The following GABRG3 variants were observed in gnomAD, a reference collection of about 807,000 sequenced individuals.
GABRG3 encodes gamma-aminobutyric acid type A receptor subunit gamma3.
A neutral mutation model predicts 48.8 loss-of-function variants in GABRG3; 25 were observed. The ratio of observed to expected loss-of-function variants is 0.51; its 90% CI spans 0.37 to 0.72. The LOEUF (loss-of-function observed/expected upper bound fraction) is 0.72. GABRG3 is among the 30% of genes least tolerant of loss of function. The probability of loss-of-function intolerance (pLI) is 0.00; values close to 1 mark genes in which losing one functional copy is unlikely to be tolerated. For missense variants in GABRG3, 394 were observed against 577.9 expected (o/e 0.68, Z 3.26); for synonymous variants, 227 against 217.6 (o/e 1.04, Z -0.38).
At chr15:27,089,259 C>T (rs537502147) in intron 3 of GABRG3, among the ~76,000 whole-genome samples, 1 of 152,144 alleles carries the variant, frequency 6.6e-6, no homozygotes, top group African/African-American at 2.4e-5. Context: ...CCACAGAGCG[C>T]GACATTCCCT....
rs962700874 is a variant in GABRG3, at chr15:27,219,160, C to A, written c.271-107649C>A. Reference sequence around the variant, plus strand: ...CTTGGCTAGTTATCATTCTCTCTCGCAGATTTCAAGTCCCAAGGGGACCCT... The same window carrying A: ...CTTGGCTAGTTATCATTCTCTCTCGAAGATTTCAAGTCCCAAGGGGACCCT... On this transcript the variant is annotated intron_variant, in intron 3 of 9. Coordinates refer to ENST00000615808, the MANE Select transcript of GABRG3 (RefSeq NM_033223.5). 9.8e-5 allele frequency among the ~76,000 whole-genome samples: 15 copies of A among 152,298 alleles called. No homozygotes were observed. The East Asian group carries it at 1.5e-3, about 16-fold the overall frequency.
intron 3 of GABRG3, among the ~76,000 whole-genome samples, chr15:27,226,021 G>C (rs929721309): frequency 6.6e-6 from 1 of 152,180 alleles, no homozygotes. Flanking sequence ...GCAGGCACAG[G>C]CACAGAAATG....
chr15:27,526,554 C>T (rs996611908), intron 7 of GABRG3, among the ~76,000 whole-genome samples: 2 of 152,118 alleles, frequency 1.3e-5, no homozygotes, highest in African/African-American at 4.8e-5. Flanking sequence ...GCCTGTTTCA[C>T]ATGATAATCA....
intron 5 of GABRG3, among the ~76,000 whole-genome samples, chr15:27,473,130 A>G (rs1390112423): frequency 6.6e-6 from 1 of 152,190 alleles, no homozygotes; most frequent in African/African-American, 2.4e-5. Flanking sequence ...CTATATAAAA[A>G]TATAATTAGA....
intron 3 of GABRG3, among the ~76,000 whole-genome samples, chr15:27,298,921 A>G (rs1892097142): frequency 6.6e-6 from 1 of 152,148 alleles, no homozygotes; most frequent in South Asian, 2.1e-4. Context: ...GCAGCAAAAA[A>G]TAAGTTCCTG....
chr15:27,409,082 G>T, intron 5 of GABRG3, among the ~76,000 whole-genome samples: 1 of 151,194 alleles, frequency 6.6e-6, no homozygotes. Context: ...CTAATACCAG[G>T]GTTTTTGACA....
chr15:27,453,349 T>A (rs778145874), intron 5 of GABRG3, among the ~76,000 whole-genome samples: 62 of 152,174 alleles, frequency 4.1e-4, no homozygotes, highest in Non-Finnish European at 7.5e-4. Context: ...TTAGCTTAAT[T>A]ATGGGAATGA....
At chr15:27,301,175 G>A (rs954863671) in intron 3 of GABRG3, among the ~76,000 whole-genome samples, 40 of 152,248 alleles carry the variant, frequency 2.6e-4, no homozygotes, top group African/African-American at 9.4e-4. Context: ...TCTTGTCATC[G>A]AAGAAGGATA....
intron 3 of GABRG3, among the ~76,000 whole-genome samples, chr15:27,097,861 C>G (rs1024888929): frequency 3.3e-5 from 5 of 151,680 alleles, no homozygotes. Flanking sequence ...ATAAGGATAT[C>G]TATGATAAAT....
chr15:27,289,272 CTT>C (rs548662687), intron 3 of GABRG3, among the ~76,000 whole-genome samples: 1 of 148,962 alleles, frequency 6.7e-6, no homozygotes. Flanking sequence ...TGCCTCTACT[CTT>C]TTTTTTTTCT....
At chr15:27,509,671 T>C (rs1182233130) in intron 6 of GABRG3, among the ~76,000 whole-genome samples, 2 of 152,194 alleles carry the variant, frequency 1.3e-5, no homozygotes, top group East Asian at 3.9e-4. Flanking sequence ...ACATTTTTGA[T>C]TTCTTGTACT....
At chr15:27,244,605 C>T (rs1890220865) in intron 3 of GABRG3, among the ~76,000 whole-genome samples, 1 of 152,034 alleles carries the variant, frequency 6.6e-6, no homozygotes, top group African/African-American at 2.4e-5. Context: ...AATAAAAATC[C>T]CTTTTAAATA....
At chr15:27,299,679 C>T (rs1475015243) in intron 3 of GABRG3, among the ~76,000 whole-genome samples, 1 of 152,076 alleles carries the variant, frequency 6.6e-6, no homozygotes, top group Non-Finnish European at 1.5e-5. Flanking sequence ...ATCTGGAGCC[C>T]AGAAACACGA....
chr15:27,234,928 C>T lies in GABRG3; in HGVS notation c.271-91881C>T, dbSNP rs563143025. Among the ~76,000 whole-genome samples, 4 of 152,250 alleles carry T rather than the reference C, an allele frequency of 2.6e-5. No individual in the cohort carries two copies. In the South Asian group the frequency reaches 8.3e-4, roughly 32 times the overall value. On this transcript the variant is annotated intron_variant, in intron 3 of 9. Coordinates refer to ENST00000615808, the MANE Select transcript of GABRG3 (RefSeq NM_033223.5). ...ACCCAGCGTGAGGGAAAGGGGGTTG[C>T]TGTCAGGGTGGAGGGAGATGAATAA...
intron 5 of GABRG3, among the ~76,000 whole-genome samples, chr15:27,402,073 T>C (rs1184964260): frequency 1.3e-5 from 2 of 152,200 alleles, no homozygotes; most frequent in South Asian, 4.1e-4. Context: ...AGGGCAATGC[T>C]TCATAGAGAA....
intron 5 of GABRG3, among the ~76,000 whole-genome samples, chr15:27,435,227 A>T (rs774730511): frequency 1.5e-4 from 22 of 149,834 alleles, no homozygotes; most frequent in Non-Finnish European, 2.5e-4. Flanking sequence ...ATTATATTAT[A>T]CTATTTTATA....
At chr15:27,173,044 A>C (rs1887625056) in intron 3 of GABRG3, among the ~76,000 whole-genome samples, 1 of 152,188 alleles carries the variant, frequency 6.6e-6, no homozygotes, top group Non-Finnish European at 1.5e-5. Flanking sequence ...CTGTGAATGC[A>C]CTTAAACAAA....
At chr15:27,506,047 T>G (rs1890751882) in intron 6 of GABRG3, among the ~76,000 whole-genome samples, 1 of 152,212 alleles carries the variant, frequency 6.6e-6, no homozygotes. Context: ...TGTTATGCAT[T>G]CAGCATTGTT....
At chr15:27,414,436 G>A (rs1887884388) in intron 5 of GABRG3, among the ~76,000 whole-genome samples, 1 of 152,124 alleles carries the variant, frequency 6.6e-6, no homozygotes, top group South Asian at 2.1e-4. Context: ...GTCTGGAAGA[G>A]GCCCAGACTC....
Sources: gnomAD v4.1 joint callset for allele counts (sites outside exome capture counted in the v4.1 genomes callset) on GRCh38, gnomAD v4.1.1 for gene constraint, MANE v1.5 for transcripts, NCBI Gene and HGNC (gene_info 2026-07-23, HGNC 2026-07-21) for gene names.